The following DOCK7 variants were observed in gnomAD, a reference collection of about 807,000 sequenced individuals.
DOCK7 encodes dedicator of cytokinesis protein 7.
DOCK7 carries 138 observed loss-of-function variants against 271.0 expected under a neutral mutation model. The observed-to-expected ratio is 0.51, with a 90% CI of 0.44 to 0.59. DOCK7 has a LOEUF of 0.59. Ranked by LOEUF, DOCK7 falls within the 20% of genes least tolerant of loss-of-function variation. The pLI is 0.00. For missense variants in DOCK7, 2,066 were observed against 2,592.4 expected (o/e 0.80, Z 4.41); for synonymous variants, 823 against 876.1 (o/e 0.94, Z 1.07).
intron 31 of DOCK7, among the ~76,000 whole-genome samples, chr1:62,517,335 G>A (rs947962666): frequency 1.1e-4 from 17 of 152,148 alleles, no homozygotes; most frequent in African/African-American, 4.1e-4. Context: ...AGTGGCTCAC[G>A]CCTGTATCCC....
chr1:62,630,256 G>A (rs1204962591), intron 11 of DOCK7, among the ~76,000 whole-genome samples: 1 of 152,152 alleles, frequency 6.6e-6, no homozygotes, highest in Non-Finnish European at 1.5e-5. Flanking sequence ...AGGGTTTCCA[G>A]GTAGAAGTTA....
intron 14 of DOCK7, chr1:62,604,291 A>G: frequency 6.3e-7 from 1 of 1,586,878 alleles, no homozygotes; most frequent in African/African-American, 1.3e-5. Context: ...ATCTTCCCAC[A>G]TTATTAGCTA....
chr1:62,467,187 C>A (rs1263880829), intron 48 of DOCK7, among the ~76,000 whole-genome samples: 1 of 152,208 alleles, frequency 6.6e-6, no homozygotes, highest in East Asian at 1.9e-4. Flanking sequence ...ACAATCAATT[C>A]CTGCTGGAGA....
At chr1:62,656,664 C>A (rs1351881134) in intron 2 of DOCK7, among the ~76,000 whole-genome samples, 1 of 151,902 alleles carries the variant, frequency 6.6e-6, no homozygotes, top group Non-Finnish European at 1.5e-5. Context: ...AAAGGCTGGC[C>A]GGCAGGGACA....
intron 33 of DOCK7, 51 bp from the exon 34 acceptor site, chr1:62,510,724 A>C: frequency 7.3e-7 from 1 of 1,366,280 alleles, no homozygotes; most frequent in South Asian, 1.2e-5. Context: ...CAGTTGGACC[A>C]CATATATGTA....
intron 14 of DOCK7, among the ~76,000 whole-genome samples, chr1:62,610,253 C>T (rs1487852227): frequency 6.6e-6 from 1 of 152,028 alleles, no homozygotes; most frequent in Admixed American, 6.5e-5. Context: ...GTGGCAGTAG[C>T]TTGAGACATC....
chr1:62,624,310 C>A (rs572896246), intron 12 of DOCK7, among the ~76,000 whole-genome samples: 8 of 152,078 alleles, frequency 5.3e-5, no homozygotes, highest in Non-Finnish European at 1.5e-5. Context: ...CTATTCTACT[C>A]GTGTTTTCTT....
intron 43 of DOCK7, among the ~76,000 whole-genome samples, chr1:62,479,897 C>A (rs1179398342): frequency 6.6e-6 from 1 of 152,018 alleles, no homozygotes; most frequent in Non-Finnish European, 1.5e-5. Context: ...GCTGCCCAGG[C>A]TGGTCTTGAA....
chr1:62,494,549 C>A, intron 39 of DOCK7, 82 bp from the exon 40 acceptor site: 1 of 1,350,994 alleles, frequency 7.4e-7, no homozygotes, highest in Admixed American at 2.2e-5. Flanking sequence ...CAGAGTTTAC[C>A]TAGAAAGGTT....
chr1:62,469,495 T>C (rs1209141185), intron 48 of DOCK7, among the ~76,000 whole-genome samples: 2 of 152,198 alleles, frequency 1.3e-5, no homozygotes, highest in Non-Finnish European at 2.9e-5. Context: ...CTTCTAGACA[T>C]TGGCTTGGGC....
intron 1 of DOCK7, among the ~76,000 whole-genome samples, chr1:62,670,013 A>G (rs1659768582): frequency 6.6e-6 from 1 of 152,178 alleles, no homozygotes; most frequent in African/African-American, 2.4e-5. Flanking sequence ...GCCCCGGGCA[A>G]TGGGGGACTT....
chr1:62,554,947 C>A (rs1012180600), intron 21 of DOCK7, among the ~76,000 whole-genome samples: 26 of 152,266 alleles, frequency 1.7e-4, no homozygotes, highest in African/African-American at 6.0e-4. Context: ...TCATAACGAA[C>A]GTCACAATTA....
chr1:62,590,491 T>C (rs1485701684), intron 14 of DOCK7, among the ~76,000 whole-genome samples: 1 of 152,188 alleles, frequency 6.6e-6, no homozygotes, highest in East Asian at 1.9e-4. Flanking sequence ...CAATGTTTAT[T>C]GAGTATCCAG....
At position 62,495,655 on chromosome 1, in the gene DOCK7, A is replaced by G. The variant is rs569735700; in HGVS notation, c.4950T>C (p.His1650=). ...DQVQDLVFNL[H]MILSDTVKMK... ...TTTTCACAGTATCAGAAAGAATCAT[A>G]TGGAGATTGAAAACCAGATCCTGGA... The change falls in exon 39 of 50, where the codon CAT becomes CAC. Residue 1650 remains histidine (H), a synonymous_variant. Transcript: ENST00000635253. The G allele has an allele frequency of 1.9e-6, 3 of 1,585,534 alleles. No individual in the cohort carries two copies. The highest frequency in any genetic ancestry group is 2.7e-5 in the African/African-American group (2 of 73,018).
chr1:62,532,324 C>G (rs1247229003), intron 29 of DOCK7, among the ~76,000 whole-genome samples: 2 of 152,064 alleles, frequency 1.3e-5, no homozygotes, highest in Non-Finnish European at 2.9e-5. Context: ...TGTGAGCCAC[C>G]ATGCCAGGCC....
chr1:62,543,535 T>C (rs920764454), intron 24 of DOCK7, 121 bp downstream of exon 24: 11 of 638,462 alleles, frequency 1.7e-5, no homozygotes, highest in South Asian at 6.0e-5. Flanking sequence ...TGTTCAGATA[T>C]ATTTTTAAGC....
intron 39 of DOCK7, chr1:62,495,141 G>A (rs915718563): frequency 6.6e-6 from 1 of 152,486 alleles, no homozygotes; most frequent in Admixed American, 6.5e-5. Context: ...TGGGGCCCAG[G>A]ACACCAAGGT....
At chr1:62,673,954 A>T (rs1163849108) in intron 1 of DOCK7, among the ~76,000 whole-genome samples, 1 of 85,010 alleles carries the variant, frequency 1.2e-5, no homozygotes, top group African/African-American at 4.5e-5. Context: ...GGGAGGGGGA[A>T]GGGGGGGAGG....
At chr1:62,592,502 C>T (rs1018650316) in intron 14 of DOCK7, among the ~76,000 whole-genome samples, 3 of 151,768 alleles carry the variant, frequency 2.0e-5, no homozygotes, top group South Asian at 2.1e-4. Flanking sequence ...ATACCATAAA[C>T]GCAGGAGGAA....
Sources: allele counts gnomAD v4.1 joint callset (sites outside exome capture counted in the v4.1 genomes callset), GRCh38; gene constraint gnomAD v4.1.1; transcripts MANE v1.5; gene names NCBI Gene and HGNC (gene_info 2026-07-23, HGNC 2026-07-21).